Variants in CWC27 observed in about 807,000 individuals in gnomAD.
CWC27 encodes spliceosome-associated protein CWC27 homolog.
A neutral mutation model predicts 63.6 loss-of-function variants in CWC27; 47 were observed. The observed-to-expected ratio is 0.74, with a 90% CI of 0.58 to 0.94. The LOEUF is 0.94. CWC27 is among the 40% of genes least tolerant of loss of function. The pLI, the probability that CWC27 is intolerant of heterozygous loss-of-function variation, is 0.00. For missense variants in CWC27, 495 were observed against 554.3 expected, an observed-to-expected ratio of 0.89 and a Z score of 1.07; for synonymous variants, 175 against 179.8, an observed-to-expected ratio of 0.97 and a Z score of 0.22.
chr5:64,964,728 G>A (rs1748981190), intron 11 of CWC27, among the ~76,000 whole-genome samples: 1 of 152,144 alleles, frequency 6.6e-6, no homozygotes, highest in African/African-American at 2.4e-5. Flanking sequence ...CACTGAATTA[G>A]GCAGATTAAT....
At chr5:64,899,921 T>C (rs1309755330) in intron 11 of CWC27, among the ~76,000 whole-genome samples, 1 of 152,248 alleles carries the variant, frequency 6.6e-6, no homozygotes, top group Non-Finnish European at 1.5e-5. Flanking sequence ...ATTCTCTATG[T>C]ACTTTTTTGT....
At chr5:64,855,716 A>G (rs529941811) in intron 10 of CWC27, among the ~76,000 whole-genome samples, 35 of 152,288 alleles carry the variant, frequency 2.3e-4, no homozygotes, top group African/African-American at 8.2e-4. Flanking sequence ...TTTGTTGAGT[A>G]CAAGAAAATT....
At chr5:64,935,912 A>G (rs1375502683) in intron 11 of CWC27, among the ~76,000 whole-genome samples, 1 of 151,994 alleles carries the variant, frequency 6.6e-6, no homozygotes. Flanking sequence ...TCTATTATTG[A>G]TGTATAGTAA....
chr5:64,917,929 G>T (rs113008260), intron 11 of CWC27, among the ~76,000 whole-genome samples: 4,925 of 151,792 alleles, frequency 0.032, 180 homozygotes, highest in African/African-American at 0.095. Flanking sequence ...TATAGAGAGA[G>T]ATACATACAC....
At chr5:64,822,775 A>G (rs1176711079) in intron 10 of CWC27, among the ~76,000 whole-genome samples, 1 of 152,146 alleles carries the variant, frequency 6.6e-6, no homozygotes, top group Non-Finnish European at 1.5e-5. Context: ...CTGGATTAAT[A>G]TTGAATTTCT....
At chr5:64,896,032 C>G (rs937328223) in intron 11 of CWC27, among the ~76,000 whole-genome samples, 1 of 152,100 alleles carries the variant, frequency 6.6e-6, no homozygotes, top group African/African-American at 2.4e-5. Flanking sequence ...AGAATGAAGT[C>G]TCCCCAAAAC....
At chr5:65,015,907 C>T (rs1290966963) in intron 13 of CWC27, among the ~76,000 whole-genome samples, 1 of 152,170 alleles carries the variant, frequency 6.6e-6, no homozygotes, top group African/African-American at 2.4e-5. Context: ...AGCATATTCA[C>T]TGGAGCCAGT....
intron 11 of CWC27, among the ~76,000 whole-genome samples, chr5:64,932,648 T>C (rs1313978024): frequency 6.6e-6 from 1 of 152,172 alleles, no homozygotes; most frequent in Non-Finnish European, 1.5e-5. Flanking sequence ...AACAGTTCAA[T>C]CAACCATCCA....
At chr5:64,993,651 G>A (rs139917406) in intron 13 of CWC27, among the ~76,000 whole-genome samples, 1 of 151,762 alleles carries the variant, frequency 6.6e-6, no homozygotes, top group African/African-American at 2.4e-5. Context: ...ACTCTCTCCA[G>A]AATCTTTTTA....
rs144768125 is a variant in CWC27 at position 64,811,026 on chromosome 5, C to T, written c.938+6640C>T. Among the ~76,000 whole-genome samples, 356 of 152,146 alleles carry T rather than the reference C, an allele frequency of 2.3e-3. 1 individual carries two copies. The highest frequency in any genetic ancestry group is 8.3e-3 in the African/African-American group (343 of 41,542). ...GATAAGGAATAAAATCAGTATCTCTCAACCTTGTTTGTACATTTGAATCAT... is the reference window on the plus strand; with the variant it reads ...GATAAGGAATAAAATCAGTATCTCTTAACCTTGTTTGTACATTTGAATCAT... On this transcript the variant is annotated intron_variant, in intron 10 of 13. Coordinates refer to ENST00000381070, the MANE Select transcript of CWC27 (RefSeq NM_005869.4).
At chr5:64,985,034 T>C (rs1749399913) in intron 13 of CWC27, among the ~76,000 whole-genome samples, 1 of 152,220 alleles carries the variant, frequency 6.6e-6, no homozygotes, top group Admixed American at 6.5e-5. Flanking sequence ...CAGTACCATT[T>C]GTTAAAAAGA....
chr5:64,808,309 G>GGTCAGCAAGTT (rs1331904407), intron 10 of CWC27: 1 of 988,414 alleles, frequency 1.0e-6, no homozygotes, highest in Non-Finnish European at 1.2e-6. Context: ...TTAGTTCCAA[G>GGTCAGCAAGTT]GTCAGCAAGT....
chr5:64,847,008 A>C (rs1017613500), intron 10 of CWC27, among the ~76,000 whole-genome samples: 1 of 151,608 alleles, frequency 6.6e-6, no homozygotes, highest in Non-Finnish European at 1.5e-5. Context: ...AAAAAAAAAA[A>C]AAAGAAAAAG....
chr5:64,803,363 G>T (rs1197522285), intron 9 of CWC27, among the ~76,000 whole-genome samples: 2 of 152,162 alleles, frequency 1.3e-5, no homozygotes, highest in African/African-American at 4.8e-5. Flanking sequence ...AGGAGTTGAA[G>T]ATACAGCAGT....
intron 13 of CWC27, among the ~76,000 whole-genome samples, chr5:65,002,968 G>T (rs1186750025): frequency 1.3e-5 from 2 of 152,046 alleles, no homozygotes; most frequent in Non-Finnish European, 2.9e-5. Context: ...CTGGGTGCTC[G>T]AATGTTGGGT....
intron 11 of CWC27, among the ~76,000 whole-genome samples, chr5:64,953,550 T>C (rs1432557071): frequency 6.6e-6 from 1 of 152,052 alleles, no homozygotes; most frequent in Non-Finnish European, 1.5e-5. Flanking sequence ...GGTGAGAAAT[T>C]TTTCACCTCA....
chr5:64,966,813 T>A (rs1489312987), intron 11 of CWC27, among the ~76,000 whole-genome samples: 1 of 152,170 alleles, frequency 6.6e-6, no homozygotes, highest in East Asian at 1.9e-4. Context: ...CTATTGATAA[T>A]AGGTGATGAC....
At chr5:64,858,810 A>G (rs115918128) in intron 10 of CWC27, among the ~76,000 whole-genome samples, 3,135 of 152,292 alleles carry the variant, frequency 0.021, 112 homozygotes, top group African/African-American at 0.072. Flanking sequence ...TGGAGTGAAA[A>G]TGTGACAAGC....
intron 4 of CWC27, 99 bp downstream of exon 4, chr5:64,784,078 C>G: frequency 9.3e-7 from 1 of 1,072,372 alleles, no homozygotes; most frequent in Non-Finnish European, 1.3e-6. Context: ...TAAGAGCTAC[C>G]TTTGTAAAAA....
Sources: allele counts gnomAD v4.1 joint callset (sites outside exome capture counted in the v4.1 genomes callset), GRCh38; gene constraint gnomAD v4.1.1; transcripts MANE v1.5; gene names NCBI Gene and HGNC (gene_info 2026-07-23, HGNC 2026-07-21).